The following SDCCAG8 variants were observed in gnomAD, a reference collection of about 807,000 sequenced individuals.
The protein encoded by SDCCAG8 is SHH signaling and ciliogenesis regulator SDCCAG8.
Under a neutral mutation model 101.8 loss-of-function variants are expected in SDCCAG8, and 74 were observed. The ratio of observed to expected loss-of-function variants is 0.73; its 90% CI spans 0.60 to 0.88. The LOEUF (loss-of-function observed/expected upper bound fraction) is 0.88, where lower values mean the gene tolerates loss of function less well. Among genes scored for constraint, SDCCAG8 ranks in the 40% least tolerant of loss-of-function variants. The probability of loss-of-function intolerance (pLI) is 0.00; values close to 1 mark genes in which losing one functional copy is unlikely to be tolerated. For synonymous variants in SDCCAG8, 281 were observed against 292.9 expected, an observed-to-expected ratio of 0.96 and a Z score of 0.41; for missense variants, 787 against 822.6, an observed-to-expected ratio of 0.96 and a Z score of 0.53.
At position 243,323,060 on chromosome 1, in the gene SDCCAG8, G is replaced by A. The variant is rs192907852; in HGVS notation, c.1068+6167G>A. Among the ~76,000 whole-genome samples the A allele has an allele frequency of 4.0e-3, 601 of 151,820 alleles. 1 individual carries two copies. The highest frequency in any genetic ancestry group is 0.014 in the Middle Eastern group (4 of 294). ...TGAGGCAGGAGAATTGCTTGAACCCGGGAGGCAGAGGTTGCAGTGAGCTGA... is the reference window on the plus strand; with the variant it reads ...TGAGGCAGGAGAATTGCTTGAACCCAGGAGGCAGAGGTTGCAGTGAGCTGA... On this transcript the variant is annotated intron_variant, in intron 9 of 17. Transcript: ENST00000366541.
intron 16 of SDCCAG8, among the ~76,000 whole-genome samples, chr1:243,432,697 T>C (rs2081874655): frequency 6.6e-6 from 1 of 152,232 alleles, no homozygotes; most frequent in South Asian, 2.1e-4. Context: ...AGAGTATCTT[T>C]TGGTGTGAAG....
intron 11 of SDCCAG8, among the ~76,000 whole-genome samples, chr1:243,342,799 A>G (rs1403025419): frequency 1.3e-5 from 2 of 152,186 alleles, no homozygotes; most frequent in Non-Finnish European, 2.9e-5. Flanking sequence ...CTCACATTGA[A>G]GGCATTTGAA....
intron 16 of SDCCAG8, 102 bp from the exon 17 acceptor site, chr1:243,488,912 C>T: frequency 1.3e-6 from 2 of 1,570,220 alleles, no homozygotes; most frequent in Admixed American, 3.4e-5. Flanking sequence ...GCGTCCTGCT[C>T]ATGGTTCCCT....
chr1:243,311,257 A>G (rs2072693749), intron 8 of SDCCAG8, among the ~76,000 whole-genome samples: 1 of 152,160 alleles, frequency 6.6e-6, no homozygotes. Flanking sequence ...TATGTGTATT[A>G]ATGTTGGACC....
At chr1:243,276,725 T>C (rs2068604245) in intron 4 of SDCCAG8, among the ~76,000 whole-genome samples, 1 of 152,164 alleles carries the variant, frequency 6.6e-6, no homozygotes, top group South Asian at 2.1e-4. Flanking sequence ...ATGACATATA[T>C]CCACCATTAC....
chr1:243,409,192 A>C (rs907661338), intron 13 of SDCCAG8, among the ~76,000 whole-genome samples: 5 of 152,176 alleles, frequency 3.3e-5, no homozygotes, highest in African/African-American at 1.2e-4. Context: ...TAGATTATTA[A>C]TTTTGAAACT....
At chr1:243,370,589 A>G (rs1312511503) in intron 12 of SDCCAG8, among the ~76,000 whole-genome samples, 1 of 152,112 alleles carries the variant, frequency 6.6e-6, no homozygotes, top group Non-Finnish European at 1.5e-5. Flanking sequence ...TATTGTCGCA[A>G]TGTAATACAG....
intron 1 of SDCCAG8, among the ~76,000 whole-genome samples, chr1:243,260,672 G>A (rs2067132401): frequency 6.6e-6 from 1 of 152,170 alleles, no homozygotes; most frequent in African/African-American, 2.4e-5. Context: ...AACAACACCT[G>A]TATACATGAC....
At chr1:243,287,417 T>G (rs888838250) in intron 5 of SDCCAG8, among the ~76,000 whole-genome samples, 7 of 151,986 alleles carry the variant, frequency 4.6e-5, no homozygotes, top group Admixed American at 2.6e-4. Flanking sequence ...TTTTGAAGTT[T>G]TTTTTTTTTT....
At chr1:243,494,135 T>C (rs1468134673) in intron 17 of SDCCAG8, among the ~76,000 whole-genome samples, 1 of 152,122 alleles carries the variant, frequency 6.6e-6, no homozygotes, top group Non-Finnish European at 1.5e-5. Context: ...ATAAAATAAA[T>C]TAAAAAGCCT....
rs755359940 is a variant in SDCCAG8 at position 243,304,676 on chromosome 1, A to G, written c.676-37A>G. The G allele has an allele frequency of 9.8e-6, 11 of 1,119,252 alleles. No individual in the cohort carries two copies. The South Asian group carries it at 1.1e-4, about 12-fold the overall frequency. The allele number at this position is 1,119,252 out of a possible 1,614,324, so 69.3% of individuals were successfully genotyped here. A position where few individuals can be genotyped will look rare whatever the true frequency, so the allele number is the denominator to read the frequency against. On this transcript the variant is annotated intron_variant, in intron 6 of 17. Transcript: ENST00000366541. ...AAAGTTTACTTATAAAATACAGGAC[A>G]TAGAGAAAAATGTACTTCTATTTTT...
At chr1:243,319,200 C>G (rs1000089735) in intron 9 of SDCCAG8, among the ~76,000 whole-genome samples, 1 of 152,128 alleles carries the variant, frequency 6.6e-6, no homozygotes, top group Non-Finnish European at 1.5e-5. Flanking sequence ...CACCTCCCAC[C>G]AGGCCCCACC....
rs112360118 is a variant in SDCCAG8 at position 243,297,248 on chromosome 1, C to G, written c.675+4029C>G. The stretch of plus-strand genomic sequence containing the variant: ...CCACCATTATATTTGTTAGATTCAT[C>G]CATGTTGTTACATTGGCCGAAGTTT... On this transcript the variant is annotated intron_variant, in intron 6 of 17. Coordinates refer to ENST00000366541, the MANE Select transcript of SDCCAG8 (RefSeq NM_006642.5). 1.7e-3 allele frequency among the ~76,000 whole-genome samples: 252 copies of G among 152,292 alleles called. 2 individuals are homozygous for G. Among genetic ancestry groups the G allele is most frequent in the Non-Finnish European group, 3.2e-3 (215 of 68,022 alleles).
intron 11 of SDCCAG8, 21 bp from the exon 12 acceptor site, chr1:243,344,194 C>T: frequency 6.3e-7 from 1 of 1,591,046 alleles, no homozygotes; most frequent in South Asian, 1.1e-5. Context: ...GGTAATCATC[C>T]AGTTTTTTAC....
chr1:243,414,639 A>C (rs1324680367), intron 13 of SDCCAG8, among the ~76,000 whole-genome samples: 1 of 152,208 alleles, frequency 6.6e-6, no homozygotes, highest in African/African-American at 2.4e-5. Flanking sequence ...CCACAGCGGT[A>C]CATAGACTAG....
rs554850011 is a variant in SDCCAG8 at position 243,256,054 on chromosome 1, C to T, written c.-120C>T. ...GCTCTGTGCGGGATTCTAGGCTCCC[C>T]TGTGACAGCCGCGGCAGGAAGCAGG... is the stretch of plus-strand genomic sequence containing the variant. On this transcript the variant is annotated 5_prime_UTR_variant, in exon 1 of 18. Coordinates refer to ENST00000366541, the MANE Select transcript of SDCCAG8 (RefSeq NM_006642.5). 11 of 926,880 alleles carry T rather than the reference C, an allele frequency of 1.2e-5. No homozygotes were observed. The African/African-American group carries it at 1.8e-4, about 15-fold the overall frequency. The allele number at this position is 926,880 out of a possible 1,614,324, so 57.4% of individuals were successfully genotyped here.
At chr1:243,266,029 C>T (rs1008245005) in intron 1 of SDCCAG8, among the ~76,000 whole-genome samples, 1 of 151,938 alleles carries the variant, frequency 6.6e-6, no homozygotes, top group African/African-American at 2.4e-5. Context: ...TTTAAAAACG[C>T]AACAAAAATT....
chr1:243,296,325 T>G (rs1482049910), intron 6 of SDCCAG8, among the ~76,000 whole-genome samples: 4 of 152,098 alleles, frequency 2.6e-5, no homozygotes, highest in African/African-American at 9.7e-5. Flanking sequence ...AATATATTCT[T>G]TAATAGCTCC....
At chr1:243,348,022 AT>A (rs111584268) in intron 12 of SDCCAG8, among the ~76,000 whole-genome samples, 12,222 of 116,936 alleles carry the variant, frequency 0.1, 785 homozygotes, top group African/African-American at 0.2. Flanking sequence ...CTGGACATGC[AT>A]TTTTTTTTTT....
Sources: allele counts gnomAD v4.1 joint callset (sites outside exome capture counted in the v4.1 genomes callset), GRCh38; gene constraint gnomAD v4.1.1; transcripts MANE v1.5; gene names NCBI Gene and HGNC (gene_info 2026-07-23, HGNC 2026-07-21).